ITCH: variants seen among roughly 807,000 people sequenced by gnomAD.
ITCH encodes the protein itchy E3 ubiquitin protein ligase, also known as E3 ubiquitin-protein ligase Itchy homolog.
Under a neutral mutation model 126.8 loss-of-function variants are expected in ITCH, and 28 were observed. The ratio of observed to expected loss-of-function variants is 0.22; its 90% CI spans 0.16 to 0.30. ITCH has a LOEUF of 0.30. Among genes scored for constraint, ITCH ranks in the 10% least tolerant of loss-of-function variants. ITCH has a pLI of 1.00. For missense variants in ITCH, 631 were observed against 1,032.4 expected (o/e 0.61, Z 5.33); for synonymous variants, 342 against 340.0 (o/e 1.01, Z -0.06).
chr20:34,383,123 T>C lies in ITCH; in HGVS notation c.-21-10668T>C, dbSNP rs115772070. On this transcript the variant is annotated intron_variant, in intron 2 of 24. Coordinates refer to ENST00000374864, the MANE Select transcript of ITCH (RefSeq NM_031483.7). The stretch of plus-strand genomic sequence containing the variant: ...GTGGCATGATCATGGCTCACTATAG[T>C]CTTGACCTCTCGGGCTCTGGCGATG... Among the ~76,000 whole-genome samples, 1,377 of 152,084 alleles carry C rather than the reference T, an allele frequency of 9.1e-3. 21 individuals are homozygous for C. The highest frequency in any genetic ancestry group is 0.031 in the African/African-American group (1,305 of 41,482).
intron 12 of ITCH, 49 bp downstream of exon 12, chr20:34,449,529 C>A (rs746304810): frequency 7.2e-6 from 9 of 1,247,028 alleles, no homozygotes; most frequent in African/African-American, 1.5e-5. Flanking sequence ...CATTTTTGTT[C>A]TCTTCCAATT....
At chr20:34,412,744 G>A in intron 5 of ITCH, 105 bp downstream of exon 5, 1 of 945,502 alleles carries the variant, frequency 1.1e-6, no homozygotes, top group Admixed American at 2.0e-5. Context: ...ATACTTTTAA[G>A]TTTTACTTGG....
intron 9 of ITCH, 181 bp from the exon 10 acceptor site, chr20:34,442,027 C>G (rs1568945091): frequency 1.6e-6 from 1 of 633,272 alleles, no homozygotes; most frequent in East Asian, 2.9e-5. Flanking sequence ...CACTGTGTGC[C>G]ACTGCCTGAA....
At chr20:34,383,273 G>C (rs2038137649) in intron 2 of ITCH, among the ~76,000 whole-genome samples, 1 of 151,676 alleles carries the variant, frequency 6.6e-6, no homozygotes, top group Non-Finnish European at 1.5e-5. Context: ...TGAACTCCTG[G>C]TCTCAAGCGA....
intron 2 of ITCH, among the ~76,000 whole-genome samples, chr20:34,373,987 C>T (rs867201132): frequency 1.4e-4 from 21 of 151,916 alleles, no homozygotes; most frequent in African/African-American, 2.9e-4. Flanking sequence ...CAGGTTAAAG[C>T]GATTCCCCTG....
chr20:34,475,078 C>A lies in ITCH; in HGVS notation c.1570-2694C>A, dbSNP rs561623183. Among the ~76,000 whole-genome samples, 295 of 151,616 alleles carry A rather than the reference C, an allele frequency of 1.9e-3. 2 individuals are homozygous for A. The highest frequency in any genetic ancestry group is 3.6e-3 in the Non-Finnish European group (244 of 67,852). The stretch of plus-strand genomic sequence containing the variant: ...CCATGGGCGGCCGGGCAGAGACGCT[C>A]CTCACTTCCTAGATGTGATGGCGGC... On this transcript the variant is annotated intron_variant, in intron 16 of 24. Transcript: ENST00000374864.
intron 2 of ITCH, among the ~76,000 whole-genome samples, chr20:34,382,993 C>T (rs146214127): frequency 0.011 from 1,609 of 151,944 alleles, 40 homozygotes; most frequent in African/African-American, 0.037. Flanking sequence ...CCGCCTGCCT[C>T]GGCCTCCCAA....
rs191744322 is a variant in ITCH, at chr20:34,437,771, G to A, written c.522-703G>A. Among the ~76,000 whole-genome samples the A allele has an allele frequency of 1.7e-3, 261 of 152,274 alleles. 1 individual carries two copies. Among genetic ancestry groups the A allele is most frequent in the East Asian group, 1.5e-3 (8 of 5,180 alleles). On this transcript the variant is annotated intron_variant, in intron 7 of 24. Coordinates refer to ENST00000374864, the MANE Select transcript of ITCH (RefSeq NM_031483.7). The stretch of plus-strand genomic sequence containing the variant: ...TGCCCTTGTTTCTAATCTATGACTA[G>A]AGCCCCTCTGGAAGGAAAAGGAATC...
intron 2 of ITCH, among the ~76,000 whole-genome samples, chr20:34,390,599 A>G (rs903435642): frequency 2.6e-5 from 4 of 151,488 alleles, no homozygotes; most frequent in Admixed American, 1.3e-4. Flanking sequence ...ACAAGCGTGT[A>G]CCACCATACC....
intron 16 of ITCH, chr20:34,476,920 G>C (rs1352266140): frequency 6.6e-6 from 1 of 152,230 alleles, no homozygotes; most frequent in African/African-American, 2.4e-5. Context: ...ATTGATTGTA[G>C]CTCAGTAATG....
intron 20 of ITCH, among the ~76,000 whole-genome samples, chr20:34,483,433 A>T (rs1020025591): frequency 1.3e-5 from 2 of 152,148 alleles, no homozygotes; most frequent in Non-Finnish European, 2.9e-5. Flanking sequence ...TCCACCAGAT[A>T]CCCTAAATCA....
At chr20:34,485,619 T>C (rs1205720693) in intron 20 of ITCH, among the ~76,000 whole-genome samples, 1 of 152,232 alleles carries the variant, frequency 6.6e-6, no homozygotes, top group African/African-American at 2.4e-5. Flanking sequence ...TTTCAGATCA[T>C]TGATTTTAGA....
intron 2 of ITCH, among the ~76,000 whole-genome samples, chr20:34,382,642 A>G (rs1241461695): frequency 6.6e-6 from 1 of 151,812 alleles, no homozygotes; most frequent in Non-Finnish European, 1.5e-5. Flanking sequence ...TCCTGACCAC[A>G]AGTGATCCAC....
At chr20:34,427,206 T>C (rs1568928849) in intron 7 of ITCH, among the ~76,000 whole-genome samples, 1 of 152,236 alleles carries the variant, frequency 6.6e-6, no homozygotes, top group Non-Finnish European at 1.5e-5. Flanking sequence ...AAGAATCATC[T>C]ATACTAATCT....
Position 34,479,748 on chromosome 20 carries a change from C to A in ITCH, c.1777C>A (p.His593Asn), listed in dbSNP as rs752240722. ...INPASYINPDHLKYFRFIGRF... is the reference protein window; with the variant it reads ...INPASYINPDNLKYFRFIGRF... ...CCCCGCTTCTTACATCAATCCAGAT[C>A]ACCTGAAATATTTTCGTTTTATTGG... Residue 593 changes from histidine to asparagine, a missense_variant, in exon 18 of 25, where the codon CAC becomes AAC. By Grantham distance (68) the His-to-Asn change is moderately conservative. Around this residue, in one of 4 missense-constraint regions of ITCH, gnomAD observed 390 missense variants for 731.6 expected, o/e 0.53. Coordinates refer to ENST00000374864, the MANE Select transcript of ITCH (RefSeq NM_031483.7). The A allele has an allele frequency of 6.2e-7, 1 of 1,614,078 alleles. No homozygotes were observed. The highest frequency in any genetic ancestry group is 8.5e-7 in the Non-Finnish European group (1 of 1,179,998).
At chr20:34,456,176 GTGTGTGTGTATATATATATATA>G (rs1245546659) in intron 12 of ITCH, among the ~76,000 whole-genome samples, 1 of 34,154 alleles carries the variant, frequency 2.9e-5, no homozygotes, top group Non-Finnish European at 4.7e-5. Context: ...GTGTGTGTGT[GTGTGTGTGTATATATATATATA>G]TATATATATA....
At chr20:34,443,743 G>T (rs558099962) in intron 10 of ITCH, among the ~76,000 whole-genome samples, 16 of 152,146 alleles carry the variant, frequency 1.1e-4, no homozygotes, top group South Asian at 2.1e-4. Flanking sequence ...CTAGCACTTT[G>T]GGGGGACAAG....
chr20:34,401,983 G>T (rs866818054), intron 3 of ITCH, among the ~76,000 whole-genome samples: 2 of 152,126 alleles, frequency 1.3e-5, no homozygotes, highest in African/African-American at 4.8e-5. Context: ...GGGGGGCGGC[G>T]CATAGCTATG....
At chr20:34,438,395 T>C in intron 7 of ITCH, 79 bp from the exon 8 acceptor site, 1 of 1,476,174 alleles carries the variant, frequency 6.8e-7, no homozygotes, top group Middle Eastern at 1.7e-4. Flanking sequence ...GTTTTCATCC[T>C]CCTGCTGTTT....
Sources: gnomAD v4.1 joint callset for allele counts (sites outside exome capture counted in the v4.1 genomes callset) on GRCh38, gnomAD v4.1.1 for gene constraint, gnomAD v4.1.1 regional missense constraint, MANE v1.5 for transcripts, NCBI Gene and HGNC (gene_info 2026-07-23, HGNC 2026-07-21) for gene names.